UBE2Q2: variants seen among roughly 807,000 people sequenced by gnomAD.
The protein encoded by UBE2Q2 is ubiquitin-conjugating enzyme E2 Q2.
UBE2Q2 carries 54 observed loss-of-function variants against 59.9 expected under a neutral mutation model. The observed-to-expected ratio is 0.90, with a 90% CI of 0.72 to 1.13. UBE2Q2 has a LOEUF of 1.13. Ranked by LOEUF, UBE2Q2 falls within the 50% of genes most tolerant of loss-of-function variation. The probability of loss-of-function intolerance (pLI) is 0.00; values close to 1 mark genes in which losing one functional copy is unlikely to be tolerated. For missense variants in UBE2Q2, 433 were observed against 441.9 expected (o/e 0.98, Z 0.18); for synonymous variants, 165 against 155.2 (o/e 1.06, Z -0.47).
intron 4 of UBE2Q2, 100 bp from the exon 5 acceptor site, chr15:75,873,328 G>T: frequency 8.2e-7 from 1 of 1,216,014 alleles, no homozygotes; most frequent in Non-Finnish European, 1.1e-6. Flanking sequence ...TTTGTTTCTT[G>T]TTCCTCATTT....
intron 9 of UBE2Q2, among the ~76,000 whole-genome samples, chr15:75,887,641 G>A (rs1699278): frequency 0.98 from 149,532 of 151,962 alleles, 73,612 homozygotes; most frequent in East Asian, 1. Flanking sequence ...ACTGGTTGAG[G>A]AACAGGGGAG....
chr15:75,866,641 T>TA (rs1897498164), intron 3 of UBE2Q2, among the ~76,000 whole-genome samples: 4 of 152,308 alleles, frequency 2.6e-5, no homozygotes, highest in African/African-American at 9.6e-5. Flanking sequence ...ACATCTCTTC[T>TA]GTTTTCTCCC....
At chr15:75,876,786 C>G (rs1311940400) in intron 6 of UBE2Q2, among the ~76,000 whole-genome samples, 4 of 152,138 alleles carry the variant, frequency 2.6e-5, no homozygotes, top group African/African-American at 7.2e-5. Context: ...TATGGAACCT[C>G]TCTAACTAGA....
At chr15:75,891,134 T>A in intron 11 of UBE2Q2, 120 bp downstream of exon 11, 2 of 764,614 alleles carry the variant, frequency 2.6e-6, no homozygotes, top group South Asian at 4.5e-5. Flanking sequence ...TGGTTTGTTT[T>A]CTTCTTGTTA....
At chr15:75,846,363 G>C (rs761805561) in intron 1 of UBE2Q2, among the ~76,000 whole-genome samples, 10 of 151,950 alleles carry the variant, frequency 6.6e-5, no homozygotes, top group Non-Finnish European at 1.5e-4. Context: ...ACCGCCTCCC[G>C]AGTAGCTGGG....
intron 1 of UBE2Q2, among the ~76,000 whole-genome samples, chr15:75,846,580 T>C (rs780500228): frequency 2.0e-5 from 3 of 152,330 alleles, no homozygotes; most frequent in Non-Finnish European, 2.9e-5. Flanking sequence ...TTCATGTCGA[T>C]ACCATTTGCT....
At chr15:75,874,286 CTTTTT>C (rs112714715) in intron 5 of UBE2Q2, among the ~76,000 whole-genome samples, 1 of 139,860 alleles carries the variant, frequency 7.2e-6, no homozygotes, top group Non-Finnish European at 1.6e-5. Context: ...ACTTAACATC[CTTTTT>C]TTTTTTTTTT....
At chr15:75,845,389 G>A (rs1261355974) in intron 1 of UBE2Q2, among the ~76,000 whole-genome samples, 1 of 152,200 alleles carries the variant, frequency 6.6e-6, no homozygotes, top group Non-Finnish European at 1.5e-5. Flanking sequence ...AGAAGGGGAG[G>A]ATTTTCCAAG....
At position 75,889,855 on chromosome 15, in the gene UBE2Q2, T is replaced by A. The variant is rs1159400044; in HGVS notation, c.885-580T>A. Among the ~76,000 whole-genome samples the A allele has an allele frequency of 2.0e-5, 3 of 152,238 alleles. No individual in the cohort carries two copies. The East Asian group carries it at 5.8e-4, about 29-fold the overall frequency. ...AATGATTTTCTAATGGGAGATTTGGTACATCCCCAGAAGTTATCTTTTGTT... is the reference window on the plus strand; with the variant it reads ...AATGATTTTCTAATGGGAGATTTGGAACATCCCCAGAAGTTATCTTTTGTT... On this transcript the variant is annotated intron_variant, in intron 9 of 12. Transcript: ENST00000267938.
At chr15:75,881,784 TA>T (rs1318322922) in intron 8 of UBE2Q2, among the ~76,000 whole-genome samples, 1 of 152,234 alleles carries the variant, frequency 6.6e-6, no homozygotes. Context: ...ACCTTGTTGG[TA>T]AATCCAACTT....
chr15:75,869,040 T>TAGACA (rs1897651783), intron 4 of UBE2Q2, 30 bp downstream of exon 4: 11 of 1,572,106 alleles, frequency 7.0e-6, no homozygotes, highest in African/African-American at 1.4e-5. Flanking sequence ...GAAGAGTTCA[T>TAGACA]AAATTTCTTC....
intron 11 of UBE2Q2, among the ~76,000 whole-genome samples, chr15:75,891,496 T>C (rs899753405): frequency 2.6e-5 from 4 of 151,944 alleles, no homozygotes; most frequent in African/African-American, 9.7e-5. Flanking sequence ...TTTTTTTTTT[T>C]TAAATCTTTT....
intron 12 of UBE2Q2, among the ~76,000 whole-genome samples, chr15:75,898,376 A>AT (rs1237149267): frequency 2.0e-5 from 3 of 152,082 alleles, no homozygotes; most frequent in African/African-American, 7.2e-5. Flanking sequence ...AAATCTTAAA[A>AT]TTTTTTTGTT....
chr15:75,898,195 G>C (rs1240961775), intron 12 of UBE2Q2, among the ~76,000 whole-genome samples: 1 of 152,118 alleles, frequency 6.6e-6, no homozygotes, highest in Non-Finnish European at 1.5e-5. Flanking sequence ...CTGGGACACA[G>C]ATTTCTTCTT....
intron 9 of UBE2Q2, among the ~76,000 whole-genome samples, chr15:75,885,744 C>T (rs572323023): frequency 6.6e-6 from 1 of 152,296 alleles, no homozygotes; most frequent in Admixed American, 6.5e-5. Flanking sequence ...CACAAATATA[C>T]TATCACAGTG....
chr15:75,890,605 T>C (rs536447800), intron 10 of UBE2Q2, 122 bp downstream of exon 10: 1 of 893,426 alleles, frequency 1.1e-6, no homozygotes, highest in Admixed American at 2.9e-5. Flanking sequence ...ATTTTTAAAA[T>C]AGCGTCTACT....
chr15:75,897,805 G>A (rs982746432), intron 12 of UBE2Q2, among the ~76,000 whole-genome samples: 2 of 151,886 alleles, frequency 1.3e-5, no homozygotes, highest in African/African-American at 4.8e-5. Context: ...TCAGTAGCTT[G>A]GACTGTAGGC....
chr15:75,868,577 C>T (rs988238199), intron 3 of UBE2Q2, among the ~76,000 whole-genome samples: 1 of 152,012 alleles, frequency 6.6e-6, no homozygotes, highest in Non-Finnish European at 1.5e-5. Context: ...TTTAAGGAAT[C>T]GGTAGTTTGG....
At chr15:75,876,409 C>A in intron 6 of UBE2Q2, 138 bp downstream of exon 6, 2 of 720,522 alleles carry the variant, frequency 2.8e-6, no homozygotes, top group Non-Finnish European at 4.3e-6. Flanking sequence ...AACTCAAATG[C>A]AATCAAGTTC....
Sources: gnomAD v4.1 joint callset for allele counts (sites outside exome capture counted in the v4.1 genomes callset) on GRCh38, gnomAD v4.1.1 for gene constraint, MANE v1.5 for transcripts, NCBI Gene and HGNC (gene_info 2026-07-23, HGNC 2026-07-21) for gene names.